STRN: variants seen among roughly 807,000 people sequenced by gnomAD.
STRN encodes protein phosphatase 2 regulatory subunit B'''alpha.
STRN carries 53 observed loss-of-function variants against 96.3 expected under a neutral mutation model. That is an observed-to-expected ratio of 0.55 (90% CI 0.44 to 0.69). The LOEUF (loss-of-function observed/expected upper bound fraction) is 0.69, where lower values mean the gene tolerates loss of function less well. Ranked by LOEUF, STRN falls within the 30% of genes least tolerant of loss-of-function variation. The pLI is 0.00. For missense variants in STRN, 987 were observed against 963.9 expected (o/e 1.02, Z -0.32); for synonymous variants, 428 against 355.9 (o/e 1.20, Z -2.28).
intron 1 of STRN, among the ~76,000 whole-genome samples, chr2:36,965,885 T>C (rs373629573): frequency 6.6e-5 from 10 of 152,226 alleles, no homozygotes; most frequent in African/African-American, 2.2e-4. Context: ...GCTCCGCGTC[T>C]CTCAAAACTA....
intron 3 of STRN, among the ~76,000 whole-genome samples, chr2:36,906,890 C>T (rs1391611268): frequency 1.3e-5 from 2 of 151,784 alleles, no homozygotes; most frequent in East Asian, 3.9e-4. Flanking sequence ...CGCCATTGCA[C>T]TCCAGCGTGG....
rs1027450098 is a variant in STRN at position 36,857,998 on chromosome 2, C to T, written c.1695G>A (p.Leu565=). ...CCCAGACTGCATCCGTGTGGCCTAG[C>T]AGAGGGCCTCGTAAAACAGAAGGAT... ...SYDPSVLRGP[L]LGHTDAVWGL... The change falls in exon 14 of 18, where the codon CTG becomes CTA. Residue 565 remains leucine (L), a synonymous_variant. Transcript: ENST00000263918. 3 of 1,608,084 alleles carry T rather than the reference C, an allele frequency of 1.9e-6. No individual in the cohort carries two copies. In the African/African-American group the frequency reaches 4.0e-5, roughly 22 times the overall value.
In STRN at chr2:36,849,578, T is replaced by C; in HGVS notation, c.2221A>G (p.Ile741Val). 6.2e-7 allele frequency: 1 copy of C among 1,614,150 alleles called. No homozygotes were observed. The highest frequency in any genetic ancestry group is 1.1e-5 in the South Asian group (1 of 91,088). Residue 741 changes from isoleucine to valine, a missense_variant, in exon 18 of 18, where the codon ATC (isoleucine) becomes GTC (valine). By Grantham distance (29) the Ile-to-Val change is conservative. Coordinates refer to ENST00000263918, the MANE Select transcript of STRN (RefSeq NM_003162.4). ...RLWNLESKTC[I>V]QEFTAHRKKF... ...TTTCGATGAGCTGTGAATTCTTGGA[T>C]ACACGTCTTACTTTCTAGATTCCAT...
intron 7 of STRN, 47 bp downstream of exon 7, chr2:36,893,851 C>A (rs201599423): frequency 1.0e-5 from 16 of 1,546,942 alleles, no homozygotes; most frequent in African/African-American, 2.8e-5. Context: ...ATATTAATTT[C>A]TTTTATTTAC....
At chr2:36,929,647 C>T (rs1393350172) in intron 1 of STRN, among the ~76,000 whole-genome samples, 2 of 152,096 alleles carry the variant, frequency 1.3e-5, no homozygotes, top group South Asian at 2.1e-4. Context: ...CCTCCCTAAG[C>T]GCTGGGATTA....
chr2:36,885,980 T>C (rs558994670), intron 8 of STRN, among the ~76,000 whole-genome samples: 2 of 152,230 alleles, frequency 1.3e-5, no homozygotes, highest in East Asian at 3.9e-4. Flanking sequence ...GAATGGTTTG[T>C]AAGGTTTTGT....
chr2:36,930,321 A>G (rs924741278), intron 1 of STRN, among the ~76,000 whole-genome samples: 1 of 151,890 alleles, frequency 6.6e-6, no homozygotes, highest in African/African-American at 2.4e-5. Context: ...AGTCCCAGCT[A>G]CTCAGGAGGC....
At chr2:36,855,792 G>C (rs1434321054) in intron 14 of STRN, among the ~76,000 whole-genome samples, 1 of 152,062 alleles carries the variant, frequency 6.6e-6, no homozygotes, top group African/African-American at 2.4e-5. Context: ...TTTATCGTTA[G>C]AGTCATGCAA....
chr2:36,899,445 C>T (rs1274906362), intron 6 of STRN, 78 bp downstream of exon 6: 4 of 1,262,322 alleles, frequency 3.2e-6, no homozygotes, highest in African/African-American at 1.5e-5. Context: ...GATTAAAGAA[C>T]ATGGATTCTT....
intron 7 of STRN, among the ~76,000 whole-genome samples, 157 bp downstream of exon 7, chr2:36,893,741 T>C (rs1387303794): frequency 6.6e-6 from 1 of 152,100 alleles, no homozygotes; most frequent in African/African-American, 2.4e-5. Flanking sequence ...TCCTTAAACA[T>C]ACACACACAT....
intron 7 of STRN, among the ~76,000 whole-genome samples, chr2:36,889,253 AT>A (rs766851000): frequency 1.1e-3 from 169 of 152,294 alleles, no homozygotes; most frequent in Non-Finnish European, 1.9e-3. Flanking sequence ...GTTTTTAATA[AT>A]TTGAGTTTCA....
chr2:36,863,616 C>G (rs1428747053), intron 12 of STRN, among the ~76,000 whole-genome samples: 1 of 152,154 alleles, frequency 6.6e-6, no homozygotes, highest in African/African-American at 2.4e-5. Context: ...ATGCCTCCAG[C>G]TTTGTTCTTT....
chr2:36,864,318 G>T (rs1046839627), intron 12 of STRN, among the ~76,000 whole-genome samples: 1 of 152,020 alleles, frequency 6.6e-6, no homozygotes, highest in Non-Finnish European at 1.5e-5. Flanking sequence ...TAATATTTTG[G>T]GGTATGTTCC....
intron 9 of STRN, among the ~76,000 whole-genome samples, chr2:36,879,802 T>G (rs1055928002): frequency 6.6e-6 from 1 of 152,190 alleles, no homozygotes; most frequent in East Asian, 1.9e-4. Context: ...AGTTTTATAT[T>G]CAATCATGTC....
chr2:36,948,672 A>G (rs1664670247), intron 1 of STRN, among the ~76,000 whole-genome samples: 1 of 152,238 alleles, frequency 6.6e-6, no homozygotes, highest in Non-Finnish European at 1.5e-5. Context: ...TAGACGCTCA[A>G]TAAATATTTG....
intron 3 of STRN, among the ~76,000 whole-genome samples, chr2:36,915,196 C>CAA (rs1374519783): frequency 3.6e-4 from 21 of 59,068 alleles, no homozygotes; most frequent in Non-Finnish European, 6.4e-4. Flanking sequence ...GACTCCGTCT[C>CAA]AAAAAAAAAA....
At chr2:36,939,441 C>T (rs557273788) in intron 1 of STRN, among the ~76,000 whole-genome samples, 1 of 152,056 alleles carries the variant, frequency 6.6e-6, no homozygotes, top group Non-Finnish European at 1.5e-5. Flanking sequence ...CTATCTTATT[C>T]GCATTATATA....
At chr2:36,887,157 G>A (rs1159703021) in intron 7 of STRN, among the ~76,000 whole-genome samples, 1 of 151,462 alleles carries the variant, frequency 6.6e-6, no homozygotes, top group Non-Finnish European at 1.5e-5. Flanking sequence ...GGCCAGGTGG[G>A]GTGGCTCACG....
chr2:36,849,656 A>G, intron 17 of STRN, 31 bp from the exon 18 acceptor site: 2 of 1,612,454 alleles, frequency 1.2e-6, no homozygotes, highest in Non-Finnish European at 1.7e-6. Context: ...AAAAGGAAAA[A>G]TTACATTAAC....
Sources: gnomAD v4.1 joint callset for allele counts (sites outside exome capture counted in the v4.1 genomes callset) on GRCh38, gnomAD v4.1.1 for gene constraint, MANE v1.5 for transcripts, NCBI Gene and HGNC (gene_info 2026-07-23, HGNC 2026-07-21) for gene names.